The following NDUFA11 variants were observed in gnomAD, a reference collection of about 807,000 sequenced individuals.
NDUFA11 encodes NADH dehydrogenase [ubiquinone] 1 alpha subcomplex subunit 11.
NDUFA11 carries 14 observed loss-of-function variants against 11.3 expected under a neutral mutation model. The ratio of observed to expected loss-of-function variants is 1.24; its 90% CI spans 0.82 to 1.94. The LOEUF is 1.94. Among genes scored for constraint, NDUFA11 ranks in the 30% most tolerant of loss-of-function variants. The pLI, the probability that NDUFA11 is intolerant of heterozygous loss-of-function variation, is 0.00. For synonymous variants in NDUFA11, 87 were observed against 85.6 expected, an observed-to-expected ratio of 1.02 and a Z score of -0.09; for missense variants, 204 against 200.3, an observed-to-expected ratio of 1.02 and a Z score of -0.11.
intron 1 of NDUFA11, among the ~76,000 whole-genome samples, chr19:5,903,165 C>T (rs554667818): frequency 6.6e-6 from 1 of 152,182 alleles, no homozygotes; most frequent in South Asian, 2.1e-4. Flanking sequence ...CCAGCACCCC[C>T]TGACCACAGA....
downstream of NDUFA11, chr19:5,892,008 C>G (rs929988994): frequency 1.3e-5 from 2 of 152,412 alleles, no homozygotes; most frequent in Non-Finnish European, 2.9e-5. Flanking sequence ...CCTCCACAAC[C>G]TAGTAAATGT....
Position 5,897,118 on chromosome 19 carries a change from A to G in NDUFA11, c.98-121T>C. Reference sequence around the variant, plus strand: ...CACGATGCCCCCCTTCTTTGCCCATAGTGTCCCCGGCTGCTGAGTGGCAGA... The same window carrying G: ...CACGATGCCCCCCTTCTTTGCCCATGGTGTCCCCGGCTGCTGAGTGGCAGA... On this transcript the variant is annotated intron_variant, in intron 1 of 3. Coordinates refer to ENST00000308961, the MANE Select transcript of NDUFA11 (RefSeq NM_175614.5). The G allele has an allele frequency of 6.3e-5, 51 of 810,058 alleles. 2 individuals are homozygous for G. The South Asian group carries it at 7.0e-4, about 11-fold the overall frequency. The allele number at this position is 810,058 out of a possible 1,614,324, so 50.2% of individuals were successfully genotyped here. A position where few individuals can be genotyped will look rare whatever the true frequency, so the allele number is the denominator to read the frequency against.
downstream of NDUFA11, chr19:5,893,273 C>A (rs2057588873): frequency 7.0e-6 from 9 of 1,286,078 alleles, no homozygotes; most frequent in Non-Finnish European, 9.8e-6. This position sits in a 1 kb window ranked among gnomAD's most constrained non-coding sequence, Gnocchi z 4.1. Context: ...GCCTGCACAA[C>A]ACAGTGAGAT....
At chr19:5,898,878 T>TAAAAAAA (rs34771049) in intron 1 of NDUFA11, among the ~76,000 whole-genome samples, 2 of 82,530 alleles carry the variant, frequency 2.4e-5, no homozygotes, top group Non-Finnish European at 5.3e-5. Context: ...CGTCTCAAAA[T>TAAAAAAA]AAAAAAAAAA....
chr19:5,894,574 C>T (rs567471179), downstream of NDUFA11: 1,514 of 1,389,608 alleles, frequency 1.1e-3, 24 homozygotes, highest in South Asian at 0.018. Flanking sequence ...CAGGCAGGCG[C>T]GTGTGCAGGG....
chr19:5,901,233 C>G (rs1420760656), intron 1 of NDUFA11: 3 of 1,090,784 alleles, frequency 2.8e-6, no homozygotes, highest in Non-Finnish European at 3.6e-6. Flanking sequence ...AATGCACACA[C>G]TCTCTCACAT....
downstream of NDUFA11, chr19:5,892,953 T>C (rs1009579507): frequency 6.8e-7 from 1 of 1,468,500 alleles, no homozygotes; most frequent in Non-Finnish European, 9.0e-7. Context: ...TGTTTAACAA[T>C]GACTCTATTA....
chr19:5,896,089 G>C lies in NDUFA11; in HGVS notation c.313+364C>G. The stretch of plus-strand genomic sequence containing the variant: ...GGCGGCACAGAGCGAGGGCGGCGGG[G>C]ATGCTGGCTTGTACACAGGGTGGTC... On this transcript the variant is annotated intron_variant, in intron 3 of 3. Coordinates refer to ENST00000308961, the MANE Select transcript of NDUFA11 (RefSeq NM_175614.5). This position sits in a 1 kb window ranked among gnomAD's most constrained non-coding sequence, Gnocchi z 5.8. 1 of 466,044 alleles carries C rather than the reference G, an allele frequency of 2.1e-6. No individual in the cohort carries two copies. The highest frequency in any genetic ancestry group is 3.8e-6 in the Non-Finnish European group (1 of 264,018). 28.9% of individuals were successfully genotyped at this position (466,044 alleles called of 1,614,324 possible).
At chr19:5,893,546 C>T (rs925379464), downstream of NDUFA11, among the ~76,000 whole-genome samples, 1 of 152,058 alleles carries the variant, frequency 6.6e-6, no homozygotes, top group Non-Finnish European at 1.5e-5. The surrounding 1 kb of genome is among the most constrained non-coding windows in gnomAD (Gnocchi z 4.1). Flanking sequence ...AGCAATCCTC[C>T]CACCTCAACC....
At chr19:5,902,888 G>A (rs960510973) in intron 1 of NDUFA11, among the ~76,000 whole-genome samples, 1 of 151,750 alleles carries the variant, frequency 6.6e-6, no homozygotes, top group Non-Finnish European at 1.5e-5. Context: ...GCGTGAGCCC[G>A]TAATCCCAGC....
rs777802121 is a variant in NDUFA11 at position 5,896,580 on chromosome 19, G to A, written c.191-5C>T. The stretch of plus-strand genomic sequence containing the variant: ...CAAACACGGCCCCGACAGCAGCTGC[G>A]GGGTAGACGGGAAGAGCAAGGGCCT... On this transcript the variant is annotated splice_polypyrimidine_tract_variant and splice_region_variant and intron_variant, in intron 2 of 3. Transcript: ENST00000308961. This position sits in a 1 kb window ranked among gnomAD's most constrained non-coding sequence, Gnocchi z 5.8. 4.2e-5 allele frequency: 65 copies of A among 1,562,226 alleles called. No homozygotes were observed. Among genetic ancestry groups the A allele is most frequent in the South Asian group, 2.9e-4 (25 of 84,904 alleles).
Position 5,896,799 on chromosome 19 carries a change from G to T in NDUFA11, c.190+106C>A. ...ACTTTCTCCGGATGGCCAGCACTGT[G>T]GACACGGGCTGGGGAGTCAGAGAGA... On this transcript the variant is annotated intron_variant, in intron 2 of 3. Transcript: ENST00000308961. This position sits in a 1 kb window ranked among gnomAD's most constrained non-coding sequence, Gnocchi z 5.8. The T allele has an allele frequency of 1.6e-6, 2 of 1,212,704 alleles. No individual in the cohort carries two copies. Among genetic ancestry groups the T allele is most frequent in the Non-Finnish European group, 2.4e-6 (2 of 819,158 alleles). 75.1% of individuals were successfully genotyped at this position (1,212,704 alleles called of 1,614,324 possible).
Position 5,903,732 on chromosome 19 carries a change from C to A in NDUFA11, c.-24G>T. ...ATAGCCCGCAATCTCGATCCCGCACCACGGACCCCGCCAGCTCGGGAAGCG... is the reference window on the plus strand; with the variant it reads ...ATAGCCCGCAATCTCGATCCCGCACAACGGACCCCGCCAGCTCGGGAAGCG... On this transcript the variant is annotated 5_prime_UTR_variant, in exon 1 of 4. Transcript: ENST00000308961. 6.5e-7 allele frequency: 1 copy of A among 1,550,304 alleles called. No homozygotes were observed.
downstream of NDUFA11, among the ~76,000 whole-genome samples, chr19:5,894,018 T>C (rs1260170915): frequency 1.3e-5 from 2 of 152,162 alleles, no homozygotes; most frequent in Admixed American, 6.5e-5. Flanking sequence ...CATGAGCCAG[T>C]TCTGGAGAAG....
intron 1 of NDUFA11, chr19:5,901,422 A>G (rs1215842992): frequency 7.8e-7 from 1 of 1,287,182 alleles, no homozygotes; most frequent in East Asian, 5.5e-5. Flanking sequence ...ACCCTGGAGC[A>G]GTTAATATGC....
At chr19:5,893,165 G>A (rs935140556), downstream of NDUFA11, 3 of 1,536,092 alleles carry the variant, frequency 2.0e-6, no homozygotes, top group South Asian at 2.4e-5. The surrounding 1 kb of genome is among the most constrained non-coding windows in gnomAD (Gnocchi z 4.1). Context: ...CTGGAAGAAG[G>A]GACCCAGAAT....
At chr19:5,891,553 GC>G (rs2144941850), downstream of NDUFA11, 1 of 152,364 alleles carries the variant, frequency 6.6e-6, no homozygotes, top group South Asian at 2.1e-4. Context: ...ACGGCGCAGG[GC>G]CAGGCCGGTG....
downstream of NDUFA11, chr19:5,892,085 C>T (rs2057581354): frequency 6.6e-6 from 1 of 152,392 alleles, no homozygotes; most frequent in South Asian, 2.1e-4. Flanking sequence ...CCCTCGTGTT[C>T]CATTCTGGGG....
intron 1 of NDUFA11, among the ~76,000 whole-genome samples, chr19:5,901,113 C>T (rs1373999210): frequency 6.6e-6 from 1 of 152,054 alleles, no homozygotes; most frequent in Non-Finnish European, 1.5e-5. Context: ...CTGGGGAGCA[C>T]CCCCGGTCTC....
Sources: allele counts gnomAD v4.1 joint callset (sites outside exome capture counted in the v4.1 genomes callset), GRCh38; gene constraint gnomAD v4.1.1; non-coding constraint Gnocchi (gnomAD v3.1); transcripts MANE v1.5; gene names NCBI Gene and HGNC (gene_info 2026-07-23, HGNC 2026-07-21).